Variants in UBASH3A observed in about 807,000 individuals in gnomAD.
UBASH3A encodes the protein ubiquitin-associated and SH3 domain-containing protein A.
UBASH3A carries 63 observed loss-of-function variants against 73.5 expected under a neutral mutation model. That is an observed-to-expected ratio of 0.86 (90% CI 0.70 to 1.06). UBASH3A has a LOEUF of 1.06. UBASH3A is among the 50% of genes least tolerant of loss of function. The pLI is 0.00. For missense variants in UBASH3A, 860 were observed against 859.0 expected, an observed-to-expected ratio of 1.00 and a Z score of -0.02; for synonymous variants, 363 against 351.1, an observed-to-expected ratio of 1.03 and a Z score of -0.38.
intron 5 of UBASH3A, among the ~76,000 whole-genome samples, chr21:42,414,400 C>T (rs2053161522): frequency 6.6e-6 from 1 of 152,310 alleles, no homozygotes; most frequent in South Asian, 2.1e-4. Context: ...CCCAGGCCCT[C>T]CCCCAGTGAA....
chr21:42,445,949 G>A (rs1160618963), intron 14 of UBASH3A, among the ~76,000 whole-genome samples: 1 of 152,184 alleles, frequency 6.6e-6, no homozygotes, highest in Non-Finnish European at 1.5e-5. Flanking sequence ...TCTTGCTTCT[G>A]CAAATGGGTC....
intron 10 of UBASH3A, 154 bp downstream of exon 10, chr21:42,435,108 A>T: frequency 1.1e-6 from 1 of 939,400 alleles, no homozygotes; most frequent in Non-Finnish European, 1.6e-6. Context: ...CAGAGAGGTT[A>T]AGCAACTTGC....
rs575260812 is a variant in UBASH3A at position 42,437,529 on chromosome 21, T to C, written c.1435T>C (p.Phe479Leu). ...LDSGIRISSV[F>L]ASPALRCVQT... Reference sequence around the variant, plus strand: ...CAGTGGTATCAGAATCAGCTCTGTGTTTGCCTCCCCAGCCCTCCGCTGTGT... The same window carrying C: ...CAGTGGTATCAGAATCAGCTCTGTGCTTGCCTCCCCAGCCCTCCGCTGTGT... Residue 479 changes from phenylalanine (F) to leucine (L), a missense_variant, in exon 11 of 15, where the codon TTT becomes CTT. Coordinates refer to ENST00000319294, the MANE Select transcript of UBASH3A (RefSeq NM_018961.4). The C allele has an allele frequency of 2.0e-4, 321 of 1,614,220 alleles. 4 individuals are homozygous for C. In the South Asian group the frequency reaches 3.3e-3, roughly 16 times the overall value.
At chr21:42,437,387 C>A in intron 10 of UBASH3A, 101 bp from the exon 11 acceptor site, 1 of 1,033,924 alleles carries the variant, frequency 9.7e-7, no homozygotes, top group Non-Finnish European at 1.5e-6. Context: ...AAACCCGGGG[C>A]CCTTTGAGGA....
intron 11 of UBASH3A, among the ~76,000 whole-genome samples, chr21:42,441,104 G>C (rs1317317347): frequency 2.0e-5 from 3 of 151,880 alleles, no homozygotes; most frequent in African/African-American, 7.3e-5. Flanking sequence ...TAAAGGGCAT[G>C]GGTTTATAAA....
Position 42,442,591 on chromosome 21 carries a change from T to C in UBASH3A, c.1626T>C (p.Asp542=). The C allele has an allele frequency of 6.2e-7, 1 of 1,611,846 alleles. No homozygotes were observed. Among genetic ancestry groups the C allele is most frequent in the Non-Finnish European group, 8.5e-7 (1 of 1,179,494 alleles). The change falls in exon 12 of 15, where the codon GAT becomes GAC. Residue 542 remains aspartate, a synonymous_variant. Coordinates refer to ENST00000319294, the MANE Select transcript of UBASH3A (RefSeq NM_018961.4). ...AGGCAAATTTCAACATTGACACTGA[T>C]TACAGGTATGCTGTTCTAAAGTTCT... ...LKEANFNIDT[D]YRPAFPLSAL... is the part of the protein sequence containing the mutation.
intron 11 of UBASH3A, among the ~76,000 whole-genome samples, chr21:42,440,355 A>G (rs1459845620): frequency 6.6e-6 from 1 of 152,268 alleles, no homozygotes; most frequent in East Asian, 1.9e-4. Flanking sequence ...ATGATGGAAT[A>G]AAGCAAAATT....
Position 42,442,589 on chromosome 21 carries a change from G to A in UBASH3A, c.1624G>A (p.Asp542Asn). ...LKEANFNIDT[D>N]YRPAFPLSAL... is the part of the protein sequence containing the mutation. ...AGAGGCAAATTTCAACATTGACACT[G>A]ATTACAGGTATGCTGTTCTAAAGTT... is the stretch of plus-strand genomic sequence containing the variant. The change falls in exon 12 of 15, where the codon GAT becomes AAT. Residue 542 changes from aspartate to asparagine, a missense_variant. Physicochemically the swap from Asp to Asn is conservative, Grantham distance 23. Coordinates refer to ENST00000319294, the MANE Select transcript of UBASH3A (RefSeq NM_018961.4). 6.2e-7 allele frequency: 1 copy of A among 1,611,920 alleles called. No homozygotes were observed. The highest frequency in any genetic ancestry group is 1.3e-5 in the African/African-American group (1 of 74,860).
At chr21:42,443,246 G>A (rs2053780447) in intron 12 of UBASH3A, 66 bp from the exon 13 acceptor site, 1 of 1,514,610 alleles carries the variant, frequency 6.6e-7, no homozygotes, top group Non-Finnish European at 8.9e-7. Context: ...CCAGCTAACT[G>A]CAGCTGAGCC....
chr21:42,416,145 C>T (rs951347341), intron 5 of UBASH3A, among the ~76,000 whole-genome samples: 2 of 152,098 alleles, frequency 1.3e-5, no homozygotes, highest in Admixed American at 1.3e-4. Flanking sequence ...ACGTGCACAC[C>T]CCGGGGAATG....
At chr21:42,443,149 G>T in intron 12 of UBASH3A, 163 bp from the exon 13 acceptor site, 2 of 1,394,338 alleles carry the variant, frequency 1.4e-6, no homozygotes, top group Non-Finnish European at 1.9e-6. Flanking sequence ...TCAGTGCTTT[G>T]CCAGTTTTCA....
chr21:42,407,103 T>C (rs1568905952), intron 2 of UBASH3A, among the ~76,000 whole-genome samples: 2 of 152,084 alleles, frequency 1.3e-5, no homozygotes, highest in Non-Finnish European at 1.5e-5. Context: ...GCGTGAGTGA[T>C]TCTTCAAGCC....
chr21:42,407,726 C>T (rs2053006529), intron 2 of UBASH3A, among the ~76,000 whole-genome samples: 1 of 152,242 alleles, frequency 6.6e-6, no homozygotes, highest in African/African-American at 2.4e-5. Flanking sequence ...GCAATATGCA[C>T]AGCCCACCAG....
intron 9 of UBASH3A, among the ~76,000 whole-genome samples, chr21:42,432,763 G>T (rs1200706519): frequency 6.6e-6 from 1 of 152,198 alleles, no homozygotes; most frequent in African/African-American, 2.4e-5. Context: ...AGTGGTAAAT[G>T]AGTAGGGAAA....
At chr21:42,429,589 A>G (rs1234541960) in intron 8 of UBASH3A, among the ~76,000 whole-genome samples, 2 of 152,166 alleles carry the variant, frequency 1.3e-5, no homozygotes, top group African/African-American at 2.4e-5. Context: ...ATGCTTTGCA[A>G]TCTACTTGCA....
chr21:42,420,299 A>T (rs1218345900), intron 7 of UBASH3A, among the ~76,000 whole-genome samples: 1 of 152,092 alleles, frequency 6.6e-6, no homozygotes, highest in Non-Finnish European at 1.5e-5. Flanking sequence ...ATTACTTGTG[A>T]TATGTAATAC....
At chr21:42,435,072 T>G (rs2053602306) in intron 10 of UBASH3A, 118 bp downstream of exon 10, 1 of 1,330,910 alleles carries the variant, frequency 7.5e-7, no homozygotes. Context: ...TAGCTTTGTC[T>G]CCAGTCTGCT....
At chr21:42,441,467 G>A (rs2053741232) in intron 11 of UBASH3A, among the ~76,000 whole-genome samples, 1 of 143,804 alleles carries the variant, frequency 7.0e-6, no homozygotes, top group Non-Finnish European at 1.5e-5. Flanking sequence ...GGAGGACTCG[G>A]GGACCTGGTT....
At position 42,442,505 on chromosome 21, in the gene UBASH3A, T is replaced by A. The variant is rs774341374; in HGVS notation, c.1540T>A (p.Trp514Arg). ...ACGAGTGGAACCTGGAATCTTTGAATGGACAAAATGGGAAGCTGGCAAAAC... is the reference window on the plus strand; with the variant it reads ...ACGAGTGGAACCTGGAATCTTTGAAAGGACAAAATGGGAAGCTGGCAAAAC... Reference protein sequence around the residue: ...KIRVEPGIFEWTKWEAGKTTP... With the variant: ...KIRVEPGIFERTKWEAGKTTP... The change falls in exon 12 of 15, where the codon TGG (tryptophan) becomes AGG (arginine). Residue 514 changes from tryptophan to arginine, a missense_variant. By Grantham distance (101) the Trp-to-Arg change is moderately radical. Transcript: ENST00000319294. The A allele has an allele frequency of 6.2e-7, 1 of 1,614,058 alleles. No individual in the cohort carries two copies. The highest frequency in any genetic ancestry group is 8.5e-7 in the Non-Finnish European group (1 of 1,179,990).
Sources: gnomAD v4.1 joint callset for allele counts (sites outside exome capture counted in the v4.1 genomes callset) on GRCh38, gnomAD v4.1.1 for gene constraint, MANE v1.5 for transcripts, NCBI Gene and HGNC (gene_info 2026-07-23, HGNC 2026-07-21) for gene names.